ARHGAP28: variants seen among roughly 807,000 people sequenced by gnomAD.
ARHGAP28 encodes rho GTPase-activating protein 28.
A neutral mutation model predicts 90.7 loss-of-function variants in ARHGAP28; 56 were observed. The ratio of observed to expected loss-of-function variants is 0.62; its 90% CI spans 0.50 to 0.77. The LOEUF (loss-of-function observed/expected upper bound fraction) is 0.77. Among genes scored for constraint, ARHGAP28 ranks in the 30% least tolerant of loss-of-function variants. ARHGAP28 has a pLI of 0.00. For missense variants in ARHGAP28, 869 were observed against 900.9 expected, an observed-to-expected ratio of 0.96 and a Z score of 0.45; for synonymous variants, 308 against 323.3, an observed-to-expected ratio of 0.95 and a Z score of 0.51.
chr18:6,908,230 C>T (rs569863242), intron 16 of ARHGAP28, among the ~76,000 whole-genome samples: 37 of 152,196 alleles, frequency 2.4e-4, no homozygotes, highest in Admixed American at 8.5e-4. Flanking sequence ...CTCCTCTTCC[C>T]GGGTTCAAGC....
intron 2 of ARHGAP28, among the ~76,000 whole-genome samples, chr18:6,826,164 C>G (rs2056661487): frequency 2.0e-5 from 3 of 147,856 alleles, no homozygotes; most frequent in Non-Finnish European, 4.5e-5. Context: ...TTGATAGTAG[C>G]CATTCTGACT....
intron 3 of ARHGAP28, among the ~76,000 whole-genome samples, chr18:6,846,807 C>A (rs893297946): frequency 6.6e-6 from 1 of 152,166 alleles, no homozygotes; most frequent in African/African-American, 2.4e-5. Flanking sequence ...CTTCTCTTTA[C>A]CCCGTTGGTG....
intron 1 of ARHGAP28, among the ~76,000 whole-genome samples, chr18:6,794,143 T>G (rs551229207): frequency 6.6e-6 from 1 of 152,326 alleles, no homozygotes; most frequent in East Asian, 1.9e-4. Context: ...CTGCCACATT[T>G]GTTCTGTTTT....
intron 16 of ARHGAP28, among the ~76,000 whole-genome samples, chr18:6,905,940 A>G (rs2057362517): frequency 6.6e-6 from 1 of 152,130 alleles, no homozygotes; most frequent in Admixed American, 6.5e-5. Flanking sequence ...TTGGAAGATA[A>G]CACAGTAAAG....
chr18:6,801,628 T>C (rs544551944), intron 1 of ARHGAP28, among the ~76,000 whole-genome samples: 1 of 152,292 alleles, frequency 6.6e-6, no homozygotes, highest in African/African-American at 2.4e-5. Context: ...AATGTGACTT[T>C]TAAAATTTGC....
At chr18:6,822,285 C>A (rs2056631988) in intron 1 of ARHGAP28, among the ~76,000 whole-genome samples, 1 of 151,744 alleles carries the variant, frequency 6.6e-6, no homozygotes. Flanking sequence ...GCCGAAAAAA[C>A]CTAGAACTAA....
At chr18:6,740,649 T>A (rs561241501) in intron 1 of ARHGAP28, among the ~76,000 whole-genome samples, 1 of 152,202 alleles carries the variant, frequency 6.6e-6, no homozygotes, top group Admixed American at 6.5e-5. Flanking sequence ...TTTCATTATA[T>A]GATAAATGGT....
intron 1 of ARHGAP28, among the ~76,000 whole-genome samples, chr18:6,744,121 C>T (rs941181069): frequency 6.6e-6 from 1 of 152,030 alleles, no homozygotes; most frequent in African/African-American, 2.4e-5. Flanking sequence ...GAAGGGTTAA[C>T]AAAAACTTCT....
intron 9 of ARHGAP28, chr18:6,874,828 G>A (rs1330928069): frequency 6.6e-6 from 1 of 152,116 alleles, no homozygotes; most frequent in East Asian, 1.9e-4. Context: ...TGCCAGTGCT[G>A]TTTATGTAAT....
At chr18:6,898,676 C>CT (rs2057321897) in intron 16 of ARHGAP28, 1 of 1,430,462 alleles carries the variant, frequency 7.0e-7, no homozygotes, top group East Asian at 2.5e-5. Context: ...TCAAGTAGAC[C>CT]TTTCGTAGAA....
At chr18:6,869,799 T>G (rs985051401) in intron 6 of ARHGAP28, among the ~76,000 whole-genome samples, 1 of 152,214 alleles carries the variant, frequency 6.6e-6, no homozygotes, top group Non-Finnish European at 1.5e-5. Flanking sequence ...AATAAAATAA[T>G]TATTCACTTT....
At chr18:6,911,066 C>T (rs1264770647) in intron 17 of ARHGAP28, among the ~76,000 whole-genome samples, 1 of 152,082 alleles carries the variant, frequency 6.6e-6, no homozygotes, top group Non-Finnish European at 1.5e-5. Flanking sequence ...GATCTCCTGA[C>T]CTTGTGATCC....
intron 1 of ARHGAP28, among the ~76,000 whole-genome samples, chr18:6,734,760 G>A (rs560153118): frequency 6.6e-6 from 1 of 152,260 alleles, no homozygotes; most frequent in South Asian, 2.1e-4. Flanking sequence ...CATGCACAGG[G>A]ACACCATATT....
chr18:6,761,830 T>C (rs1164463999), intron 1 of ARHGAP28, among the ~76,000 whole-genome samples: 2 of 152,236 alleles, frequency 1.3e-5, no homozygotes, highest in African/African-American at 4.8e-5. Context: ...GGCCAAGTTA[T>C]GTTATCTCAT....
At chr18:6,808,680 G>GTA (rs1302711760) in intron 1 of ARHGAP28, among the ~76,000 whole-genome samples, 1 of 152,138 alleles carries the variant, frequency 6.6e-6, no homozygotes, top group Non-Finnish European at 1.5e-5. Context: ...TGTATATCTT[G>GTA]TGTATTTGAC....
At position 6,838,131 on chromosome 18, in the gene ARHGAP28, G is replaced by A. The variant is rs569926678; in HGVS notation, c.543+717G>A. On this transcript the variant is annotated intron_variant, in intron 3 of 17. Coordinates refer to ENST00000383472, the MANE Select transcript of ARHGAP28 (RefSeq NM_001366230.1). ...ATTACAATAATTGCATCACAGATGC[G>A]ACAGATGCATTATCTGCGCAAGATC... Among the ~76,000 whole-genome samples the A allele has an allele frequency of 3.3e-5, 5 of 152,244 alleles. No homozygotes were observed. In the South Asian group the frequency reaches 6.2e-4, roughly 19 times the overall value.
Position 6,868,240 on chromosome 18 carries a change from C to A in ARHGAP28, c.811+6C>A. 6.2e-7 allele frequency: 1 copy of A among 1,612,546 alleles called. No individual in the cohort carries two copies. The highest frequency in any genetic ancestry group is 1.3e-5 in the African/African-American group (1 of 74,986). Reference sequence around the variant, plus strand: ...AGTTCAGAATGCGATAAGTGGTGAGCGGCATGCCTCCTGTTGAACTTCAGC... The same window carrying A: ...AGTTCAGAATGCGATAAGTGGTGAGAGGCATGCCTCCTGTTGAACTTCAGC... On this transcript the variant is annotated splice_donor_region_variant and intron_variant, in intron 6 of 17. Coordinates refer to ENST00000383472, the MANE Select transcript of ARHGAP28 (RefSeq NM_001366230.1).
chr18:6,862,870 C>T (rs750149988), intron 5 of ARHGAP28, among the ~76,000 whole-genome samples: 6 of 152,104 alleles, frequency 3.9e-5, no homozygotes, highest in South Asian at 2.1e-4. Context: ...AAGTCTTACA[C>T]GCATTTTCAC....
intron 6 of ARHGAP28, among the ~76,000 whole-genome samples, chr18:6,869,250 ATTCTTTTTTT>A (rs1245456582): frequency 9.6e-6 from 1 of 103,812 alleles, no homozygotes; most frequent in Non-Finnish European, 2.0e-5. Flanking sequence ...TCCTTTTGCC[ATTCTTTTTTT>A]TTTTTTTTTT....
Sources: allele counts gnomAD v4.1 joint callset (sites outside exome capture counted in the v4.1 genomes callset), GRCh38; gene constraint gnomAD v4.1.1; transcripts MANE v1.5; gene names NCBI Gene and HGNC (gene_info 2026-07-23, HGNC 2026-07-21).